Variants in RPL10A observed in about 807,000 individuals in gnomAD.
RPL10A encodes large ribosomal subunit protein uL1.
A neutral mutation model predicts 24.6 loss-of-function variants in RPL10A; 11 were observed. The observed-to-expected ratio is 0.45, with a 90% CI of 0.28 to 0.74. The LOEUF (loss-of-function observed/expected upper bound fraction) is 0.74, where lower values mean the gene tolerates loss of function less well. Among genes scored for constraint, RPL10A ranks in the 30% least tolerant of loss-of-function variants. The probability of loss-of-function intolerance (pLI) is 0.13; values close to 1 mark genes in which losing one functional copy is unlikely to be tolerated. For missense variants in RPL10A, 136 were observed against 273.1 expected (o/e 0.50, Z 3.54); for synonymous variants, 98 against 108.5 (o/e 0.90, Z 0.60).
At chr6:35,469,193 T>TA in intron 3 of RPL10A, 166 bp downstream of exon 3, 1 of 1,466,238 alleles carries the variant, frequency 6.8e-7, no homozygotes. Context: ...CCCTGGGTCT[T>TA]AAAACATGAG....
chr6:35,468,820 C>T lies in RPL10A; in HGVS notation c.27C>T (p.Thr9=), dbSNP rs143847029. The change falls in exon 2 of 6, where the codon ACC becomes ACT. Residue 9 remains threonine, a synonymous_variant. Transcript: ENST00000322203. MSSKVSRD[T]LYEAVREVLH... Reference sequence around the variant, plus strand: ...GCAGCAGCAAAGTCTCTCGCGACACCCTGTACGAGGCGGTGCGGGAAGTCC... The same window carrying T: ...GCAGCAGCAAAGTCTCTCGCGACACTCTGTACGAGGCGGTGCGGGAAGTCC... 2.3e-4 allele frequency: 363 copies of T among 1,608,294 alleles called. 1 individual carries two copies. The African/African-American group carries it at 4.4e-3, about 19-fold the overall frequency.
In RPL10A at chr6:35,468,643, G is replaced by A. The variant is rs966533619; in HGVS notation, c.6-156G>A. On this transcript the variant is annotated intron_variant, in intron 1 of 5. Coordinates refer to ENST00000322203, the MANE Select transcript of RPL10A (RefSeq NM_007104.5). ...CTCTTCCACCGGGGCTTGGGTCTGGGTCTGAGCTCCCGTCGCTCTACTTGG... is the reference window on the plus strand; with the variant it reads ...CTCTTCCACCGGGGCTTGGGTCTGGATCTGAGCTCCCGTCGCTCTACTTGG... 5.3e-6 allele frequency: 8 copies of A among 1,517,158 alleles called. No homozygotes were observed. In the African/African-American group the frequency reaches 8.3e-5, roughly 16 times the overall value. The allele number at this position is 1,517,158 out of a possible 1,614,324, so 94.0% of individuals were successfully genotyped here.
chr6:35,469,776 A>G lies in RPL10A; in HGVS notation c.310+247A>G, dbSNP rs184410434. On this transcript the variant is annotated intron_variant, in intron 4 of 5. Coordinates refer to ENST00000322203, the MANE Select transcript of RPL10A (RefSeq NM_007104.5). ...ACCAGCCAGGTGCTGGTGAACTATG[A>G]TTTGGAAATCTTTACGCTGCGTTGT... is the stretch of plus-strand genomic sequence containing the variant. 2.4e-3 allele frequency among the ~76,000 whole-genome samples: 367 copies of G among 151,004 alleles called. 2 individuals carry two copies. The highest frequency in any genetic ancestry group is 8.7e-3 in the African/African-American group (351 of 40,530).
In RPL10A at chr6:35,470,089, T is replaced by C; in HGVS notation, c.311-90T>C. ...GCTGCTTGGAGGTCACTTACATGAT[T>C]GATTCAAGTGCGTTTCTGGCCTGCC... On this transcript the variant is annotated intron_variant, in intron 4 of 5. Transcript: ENST00000322203. The surrounding 1 kb of genome is among the most constrained non-coding windows in gnomAD (Gnocchi z 4.6). The C allele has an allele frequency of 8.1e-7, 1 of 1,227,358 alleles. No homozygotes were observed. Among genetic ancestry groups the C allele is most frequent in the Non-Finnish European group, 1.2e-6 (1 of 863,760 alleles). The allele number at this position is 1,227,358 out of a possible 1,614,324, so 76.0% of individuals were successfully genotyped here.
At position 35,470,570 on chromosome 6, in the gene RPL10A, C is replaced by G. The variant is rs181476065; in HGVS notation, c.484-10C>G. 2.5e-4 allele frequency: 397 copies of G among 1,611,734 alleles called. 1 individual carries two copies. The African/African-American group carries it at 4.8e-3, about 19-fold the overall frequency. On this transcript the variant is annotated splice_polypyrimidine_tract_variant and intron_variant, in intron 5 of 5. Transcript: ENST00000322203. This position sits in a 1 kb window ranked among gnomAD's most constrained non-coding sequence, Gnocchi z 4.6. Reference sequence around the variant, plus strand: ...CCAACCTGACTTGATCCTCTCTTCCCTCCTCCCAGGTGTTATGTCTGGCTG... The same window carrying G: ...CCAACCTGACTTGATCCTCTCTTCCGTCCTCCCAGGTGTTATGTCTGGCTG...
chr6:35,468,684 G>A, intron 1 of RPL10A, 115 bp from the exon 2 acceptor site: 1 of 1,526,306 alleles, frequency 6.6e-7, no homozygotes, highest in Non-Finnish European at 8.8e-7. Context: ...GGAATCTACG[G>A]GGGAGTCCGC....
At position 35,470,458 on chromosome 6, in the gene RPL10A, T is replaced by G; in HGVS notation, c.483+107T>G. 6.7e-7 allele frequency: 1 copy of G among 1,501,240 alleles called. No individual in the cohort carries two copies. Among genetic ancestry groups the G allele is most frequent in the Non-Finnish European group, 9.1e-7 (1 of 1,104,522 alleles). 93.0% of individuals were successfully genotyped at this position (1,501,240 alleles called of 1,614,324 possible). On this transcript the variant is annotated intron_variant, in intron 5 of 5. Coordinates refer to ENST00000322203, the MANE Select transcript of RPL10A (RefSeq NM_007104.5). This position sits in a 1 kb window ranked among gnomAD's most constrained non-coding sequence, Gnocchi z 4.6. The stretch of plus-strand genomic sequence containing the variant: ...GAGCACCCACCAGGATTGAAACTTT[T>G]GGAGTAACCCTGGTCTTGGCCCGGG...
chr6:35,468,495 CGAGGGTTCG>C, intron 1 of RPL10A, 56 bp downstream of exon 1: 2 of 1,611,890 alleles, frequency 1.2e-6, no homozygotes, highest in Non-Finnish European at 1.7e-6. Context: ...GGTGCCCCGC[CGAGGGTTCG>C]GATCCTGTAG....
chr6:35,470,567 T>C lies in RPL10A; in HGVS notation c.484-13T>C. On this transcript the variant is annotated splice_polypyrimidine_tract_variant and intron_variant, in intron 5 of 5. Transcript: ENST00000322203. The surrounding 1 kb of genome is among the most constrained non-coding windows in gnomAD (Gnocchi z 4.6). ...CCACCAACCTGACTTGATCCTCTCT[T>C]CCCTCCTCCCAGGTGTTATGTCTGG... 6.2e-7 allele frequency: 1 copy of C among 1,611,436 alleles called. No individual in the cohort carries two copies. The highest frequency in any genetic ancestry group is 8.5e-7 in the Non-Finnish European group (1 of 1,177,870).
intron 1 of RPL10A, 69 bp downstream of exon 1, chr6:35,468,508 C>G (rs756389609): frequency 3.8e-4 from 607 of 1,610,522 alleles, no homozygotes; most frequent in Non-Finnish European, 4.9e-4. Context: ...GGGTTCGGAT[C>G]CTGTAGGCCG....
At chr6:35,469,636 A>G in intron 4 of RPL10A, 107 bp downstream of exon 4, 1 of 1,323,660 alleles carries the variant, frequency 7.6e-7, no homozygotes, top group Admixed American at 2.5e-5. Context: ...AGAATAGCAA[A>G]GGATCGGCGG....
At chr6:35,468,901 G>C (rs1581715782) in intron 2 of RPL10A, 28 bp downstream of exon 2, 1 of 1,613,328 alleles carries the variant, frequency 6.2e-7, no homozygotes, top group South Asian at 1.1e-5. Context: ...GGCACGGCGC[G>C]GGTGGCGAGG....
Position 35,470,385 on chromosome 6 carries a change from G to T in RPL10A, c.483+34G>T. 6.3e-7 allele frequency: 1 copy of T among 1,590,270 alleles called. No individual in the cohort carries two copies. Among genetic ancestry groups the T allele is most frequent in the Non-Finnish European group, 8.5e-7 (1 of 1,171,300 alleles). On this transcript the variant is annotated intron_variant, in intron 5 of 5. Transcript: ENST00000322203. This position sits in a 1 kb window ranked among gnomAD's most constrained non-coding sequence, Gnocchi z 4.6. Reference sequence around the variant, plus strand: ...GTCTGGCGGGTTGCTATGGGTGAAGGTGTTGGCAGGGTCTAAATCTTATCC... The same window carrying T: ...GTCTGGCGGGTTGCTATGGGTGAAGTTGTTGGCAGGGTCTAAATCTTATCC...
At chr6:35,469,736 A>G (rs1767985576) in intron 4 of RPL10A, among the ~76,000 whole-genome samples, 1 of 152,174 alleles carries the variant, frequency 6.6e-6, no homozygotes, top group Non-Finnish European at 1.5e-5. Flanking sequence ...GAGGGAGGCC[A>G]GGCATTGTAA....
intron 1 of RPL10A, 101 bp from the exon 2 acceptor site, chr6:35,468,698 G>T (rs1767921676): frequency 6.5e-7 from 1 of 1,532,706 alleles, no homozygotes. Context: ...AGTCCGCCGT[G>T]GGCCGCCCGC....
chr6:35,468,477 C>T (rs376749317), intron 1 of RPL10A, 38 bp downstream of exon 1: 2 of 1,613,778 alleles, frequency 1.2e-6, no homozygotes, highest in South Asian at 1.1e-5. Flanking sequence ...CGTTCATCCG[C>T]GCCTTCAGGT....
Position 35,470,624 on chromosome 6 carries a change from C to T in RPL10A, c.528C>T (p.Asp176=), listed in dbSNP as rs1165994287. The T allele has an allele frequency of 8.7e-6, 14 of 1,613,876 alleles. No homozygotes were observed. Among genetic ancestry groups the T allele is most frequent in the Admixed American group, 1.7e-5 (1 of 59,992 alleles). Residue 176 remains aspartate (D), a synonymous_variant, in exon 6 of 6, where the codon GAC becomes GAT. Coordinates refer to ENST00000322203, the MANE Select transcript of RPL10A (RefSeq NM_007104.5). The surrounding 1 kb of genome is among the most constrained non-coding windows in gnomAD (Gnocchi z 4.6). ...CTGTTGGTCACGTGAAGATGACAGA[C>T]GATGAGCTTGTGTATAACATTCACC... is the stretch of plus-strand genomic sequence containing the variant. ...AVAVGHVKMT[D]DELVYNIHLA... is the part of the protein sequence containing the mutation.
Position 35,470,453 on chromosome 6 carries a change from A to G in RPL10A, c.483+102A>G. 1 of 1,501,950 alleles carries G rather than the reference A, an allele frequency of 6.7e-7. No homozygotes were observed. The highest frequency in any genetic ancestry group is 1.3e-5 in the South Asian group (1 of 78,620). The allele number at this position is 1,501,950 out of a possible 1,614,324, so 93.0% of individuals were successfully genotyped here. A position where few individuals can be genotyped will look rare whatever the true frequency, so the allele number is the denominator to read the frequency against. On this transcript the variant is annotated intron_variant, in intron 5 of 5. Transcript: ENST00000322203. This position sits in a 1 kb window ranked among gnomAD's most constrained non-coding sequence, Gnocchi z 4.6. ...AGTAAGAGCACCCACCAGGATTGAA[A>G]CTTTTGGAGTAACCCTGGTCTTGGC... is the stretch of plus-strand genomic sequence containing the variant.
In RPL10A at chr6:35,470,365, G is replaced by T. The variant is rs765630905; in HGVS notation, c.483+14G>T. The T allele has an allele frequency of 5.0e-6, 8 of 1,598,232 alleles. No individual in the cohort carries two copies. Among genetic ancestry groups the T allele is most frequent in the Non-Finnish European group, 6.8e-6 (8 of 1,176,850 alleles). On this transcript the variant is annotated intron_variant, in intron 5 of 5. Transcript: ENST00000322203. The surrounding 1 kb of genome is among the most constrained non-coding windows in gnomAD (Gnocchi z 4.6). ...CAAATGAAGAAGGTGAGTGGGTCTG[G>T]CGGGTTGCTATGGGTGAAGGTGTTG...
Sources: allele counts gnomAD v4.1 joint callset (sites outside exome capture counted in the v4.1 genomes callset), GRCh38; gene constraint gnomAD v4.1.1; non-coding constraint Gnocchi (gnomAD v3.1); transcripts MANE v1.5; gene names NCBI Gene and HGNC (gene_info 2026-07-23, HGNC 2026-07-21).